The following NELL2 variants were observed in gnomAD, a reference collection of about 807,000 sequenced individuals.
NELL2 encodes the protein neural EGFL like 2.
NELL2 carries 41 observed loss-of-function variants against 109.6 expected under a neutral mutation model. The observed-to-expected ratio is 0.37, with a 90% CI of 0.29 to 0.49. NELL2 has a LOEUF of 0.49. Among genes scored for constraint, NELL2 ranks in the 20% least tolerant of loss-of-function variants. The probability of loss-of-function intolerance (pLI) is 0.98; values close to 1 mark genes in which losing one functional copy is unlikely to be tolerated. For synonymous variants in NELL2, 355 were observed against 344.7 expected (o/e 1.03, Z -0.33); for missense variants, 900 against 1,008.3 (o/e 0.89, Z 1.45).
intron 13 of NELL2, among the ~76,000 whole-genome samples, chr12:44,658,876 C>CAAAAAA (rs758903947): frequency 2.3e-4 from 22 of 97,562 alleles, no homozygotes; most frequent in African/African-American, 7.7e-4. Context: ...GACTCTGTCT[C>CAAAAAA]CAAAAAAAAA....
intron 2 of NELL2, among the ~76,000 whole-genome samples, chr12:44,827,662 G>A (rs894003309): frequency 6.6e-6 from 1 of 152,048 alleles, no homozygotes; most frequent in African/African-American, 2.4e-5. Context: ...TCATTCTTAT[G>A]ACTGAATGGT....
chr12:44,572,510 C>T (rs1943912531), intron 15 of NELL2, among the ~76,000 whole-genome samples: 1 of 152,098 alleles, frequency 6.6e-6, no homozygotes, highest in Admixed American at 6.6e-5. Context: ...AGAAACTCAG[C>T]TAATTAGGCA....
At chr12:44,630,763 G>C (rs1946425212) in intron 13 of NELL2, among the ~76,000 whole-genome samples, 1 of 152,064 alleles carries the variant, frequency 6.6e-6, no homozygotes, top group Non-Finnish European at 1.5e-5. Flanking sequence ...GTGGAAGTGT[G>C]AGCTAATTTT....
intron 15 of NELL2, among the ~76,000 whole-genome samples, chr12:44,598,800 G>A (rs1945071813): frequency 6.6e-6 from 1 of 150,968 alleles, no homozygotes; most frequent in African/African-American, 2.4e-5. Flanking sequence ...CAAGACTCCA[G>A]CATAGGCAGA....
intron 3 of NELL2, among the ~76,000 whole-genome samples, chr12:44,808,673 A>G (rs1002738545): frequency 1.3e-5 from 2 of 152,024 alleles, no homozygotes; most frequent in Non-Finnish European, 2.9e-5. Flanking sequence ...CATAATAAAC[A>G]AAGTCATTTT....
chr12:44,560,677 C>T (rs934599954), intron 15 of NELL2, among the ~76,000 whole-genome samples: 9 of 152,170 alleles, frequency 5.9e-5, no homozygotes, highest in East Asian at 5.8e-4. Context: ...CTGAAATTGA[C>T]GTAGTAATTA....
chr12:44,833,820 C>T (rs930403194), intron 2 of NELL2, among the ~76,000 whole-genome samples: 2 of 152,140 alleles, frequency 1.3e-5, no homozygotes, highest in African/African-American at 4.8e-5. Context: ...AGGCACAGTC[C>T]ATACTAATTA....
intron 3 of NELL2, among the ~76,000 whole-genome samples, chr12:44,787,639 T>C (rs11504484): frequency 0.037 from 5,603 of 152,122 alleles, 349 homozygotes; most frequent in African/African-American, 0.13. Flanking sequence ...GAATCAAGAA[T>C]ATACCCACAC....
intron 8 of NELL2, 105 bp from the exon 9 acceptor site, chr12:44,774,954 C>CA (rs2136585116): frequency 2.6e-6 from 2 of 783,482 alleles, no homozygotes; most frequent in Non-Finnish European, 4.0e-6. Context: ...GTGAAGAGAA[C>CA]AGAACAGGCC....
At chr12:44,590,777 G>A (rs1335761586) in intron 15 of NELL2, among the ~76,000 whole-genome samples, 1 of 151,962 alleles carries the variant, frequency 6.6e-6, no homozygotes, top group Admixed American at 6.6e-5. Context: ...AATGGGATTA[G>A]ATCAAACCGA....
intron 13 of NELL2, among the ~76,000 whole-genome samples, chr12:44,663,888 T>A (rs905548672): frequency 6.6e-6 from 1 of 152,140 alleles, no homozygotes; most frequent in African/African-American, 2.4e-5. Flanking sequence ...ACTTTAAGAA[T>A]ATAACAAAAA....
At chr12:44,731,462 T>C (rs1200590896) in intron 9 of NELL2, among the ~76,000 whole-genome samples, 3 of 152,046 alleles carry the variant, frequency 2.0e-5, no homozygotes, top group African/African-American at 7.2e-5. Flanking sequence ...ACCAATATGA[T>C]ACACCATGTT....
At chr12:44,638,886 G>A (rs1369327893) in intron 13 of NELL2, among the ~76,000 whole-genome samples, 3 of 152,082 alleles carry the variant, frequency 2.0e-5, no homozygotes, top group Non-Finnish European at 4.4e-5. Flanking sequence ...AATATAATGT[G>A]AGTCATATAT....
intron 1 of NELL2, among the ~76,000 whole-genome samples, chr12:44,885,883 C>T (rs890827089): frequency 6.6e-6 from 1 of 151,544 alleles, no homozygotes; most frequent in Admixed American, 6.6e-5. Flanking sequence ...CAATACTATA[C>T]TATAAAGCTA....
intron 15 of NELL2, among the ~76,000 whole-genome samples, chr12:44,586,283 A>ATT (rs1180999048): frequency 1.7e-4 from 26 of 149,284 alleles, no homozygotes; most frequent in African/African-American, 5.9e-4. Flanking sequence ...TTGCAGTGTG[A>ATT]TTATATATAT....
At chr12:44,679,719 T>A (rs911085742) in intron 12 of NELL2, among the ~76,000 whole-genome samples, 1 of 152,150 alleles carries the variant, frequency 6.6e-6, no homozygotes, top group South Asian at 2.1e-4. Context: ...CTACTAACAC[T>A]CCTGGATATA....
intron 2 of NELL2, among the ~76,000 whole-genome samples, chr12:44,873,552 G>A (rs1945224999): frequency 6.6e-6 from 1 of 151,948 alleles, no homozygotes; most frequent in South Asian, 2.1e-4. Flanking sequence ...GAGGAAACTA[G>A]GTAGAATACT....
chr12:44,857,170 A>C (rs1448019055), intron 2 of NELL2, among the ~76,000 whole-genome samples: 1 of 152,186 alleles, frequency 6.6e-6, no homozygotes, highest in African/African-American at 2.4e-5. Context: ...GTTCACCAGG[A>C]AAAGGAACCA....
At chr12:44,597,957 T>A (rs1945034376) in intron 15 of NELL2, among the ~76,000 whole-genome samples, 1 of 152,120 alleles carries the variant, frequency 6.6e-6, no homozygotes, top group Non-Finnish European at 1.5e-5. Flanking sequence ...TGTTATTTGA[T>A]CCCATTGTTC....
Sources: allele counts gnomAD v4.1 joint callset (sites outside exome capture counted in the v4.1 genomes callset), GRCh38; gene constraint gnomAD v4.1.1; transcripts MANE v1.5; gene names NCBI Gene and HGNC (gene_info 2026-07-23, HGNC 2026-07-21).